Variants in ARHGAP26 observed in about 807,000 individuals in gnomAD.
The protein encoded by ARHGAP26 is Rho GTPase activating protein 26, also known as rho GTPase-activating protein 26.
In ARHGAP26, 38 loss-of-function variants were observed where a neutral mutation model predicts 104.8. The ratio of observed to expected loss-of-function variants is 0.36; its 90% CI spans 0.28 to 0.48. ARHGAP26 has a LOEUF of 0.48. Among genes scored for constraint, ARHGAP26 ranks in the 20% least tolerant of loss-of-function variants. The pLI, the probability that ARHGAP26 is intolerant of heterozygous loss-of-function variation, is 0.99. For synonymous variants in ARHGAP26, 341 were observed against 340.0 expected, an observed-to-expected ratio of 1.00 and a Z score of -0.03; for missense variants, 704 against 947.9, an observed-to-expected ratio of 0.74 and a Z score of 3.38.
At chr5:143,132,503 T>A (rs780814765) in intron 18 of ARHGAP26, among the ~76,000 whole-genome samples, 11 of 151,222 alleles carry the variant, frequency 7.3e-5, no homozygotes, top group Non-Finnish European at 1.3e-4. Flanking sequence ...ATAGTGGGGG[T>A]GTTATGCAGC....
At position 143,012,545 on chromosome 5, in the gene ARHGAP26, A is replaced by T. The variant is rs1318175404; in HGVS notation, c.1108-1535A>T. 8.8e-4 allele frequency among the ~76,000 whole-genome samples: 50 copies of T among 56,696 alleles called. 5 individuals are homozygous for T. The highest frequency in any genetic ancestry group is 1.9e-3 in the Non-Finnish European group (44 of 23,070). 37.2% of individuals were successfully genotyped at this position (56,696 alleles called of 152,430 possible). On this transcript the variant is annotated intron_variant, in intron 11 of 22. Coordinates refer to ENST00000645722, the MANE Select transcript of ARHGAP26 (RefSeq NM_001135608.3). ...TCACTGGAGGGATATATTTATATAC[A>T]TACATACATATATATATATATATAT...
intron 11 of ARHGAP26, among the ~76,000 whole-genome samples, chr5:142,941,814 T>A (rs1359377680): frequency 6.6e-6 from 1 of 152,168 alleles, no homozygotes; most frequent in Non-Finnish European, 1.5e-5. Flanking sequence ...TTGATGAAAT[T>A]TTCTAAGAAA....
In ARHGAP26 at chr5:142,949,193, G is replaced by A. The variant is rs1767742802; in HGVS notation, c.1107+17068G>A. On this transcript the variant is annotated intron_variant, in intron 11 of 22. Coordinates refer to ENST00000645722, the MANE Select transcript of ARHGAP26 (RefSeq NM_001135608.3). ...AGAGAGAGAGAGAGAGAGAGAGAGA[G>A]AGAGAGAGAGAGAGAGAGAGAGAGA... Among the ~76,000 whole-genome samples the A allele has an allele frequency of 1.7e-4, 6 of 34,868 alleles. 1 individual carries two copies. The South Asian group carries it at 7.2e-3, about 42-fold the overall frequency. 22.9% of individuals were successfully genotyped at this position (34,868 alleles called of 152,430 possible). A position where few individuals can be genotyped will look rare whatever the true frequency, so the allele number is the denominator to read the frequency against.
chr5:142,875,520 TC>T (rs1250636319), intron 3 of ARHGAP26, among the ~76,000 whole-genome samples: 2 of 151,932 alleles, frequency 1.3e-5, no homozygotes, highest in Admixed American at 6.6e-5. Flanking sequence ...ACTCTGCCCC[TC>T]CCCCCATCTT....
At chr5:142,978,747 CTTTTTTT>C (rs11375975) in intron 11 of ARHGAP26, among the ~76,000 whole-genome samples, 1 of 124,648 alleles carries the variant, frequency 8.0e-6, no homozygotes, top group Admixed American at 8.1e-5. Context: ...AGGAGTTTGC[CTTTTTTT>C]TTTTTTTTTT....
intron 1 of ARHGAP26, among the ~76,000 whole-genome samples, chr5:142,811,018 C>A (rs780626855): frequency 6.6e-6 from 1 of 152,234 alleles, no homozygotes; most frequent in Non-Finnish European, 1.5e-5. Flanking sequence ...CTCCCTCTCC[C>A]ACACTAAAGT....
chr5:143,216,386 C>G (rs1599560731), intron 22 of ARHGAP26: 2 of 449,964 alleles, frequency 4.4e-6, no homozygotes, highest in East Asian at 1.4e-4. Flanking sequence ...CAGTGGCCTC[C>G]CATTGCTCTG....
chr5:142,914,069 C>T (rs1762179027), intron 10 of ARHGAP26, among the ~76,000 whole-genome samples: 2 of 152,240 alleles, frequency 1.3e-5, no homozygotes, highest in South Asian at 2.1e-4. Context: ...GCCATTTAAT[C>T]TCTTCCTTTT....
At chr5:143,093,126 A>T (rs1791708904) in intron 17 of ARHGAP26, among the ~76,000 whole-genome samples, 1 of 149,624 alleles carries the variant, frequency 6.7e-6, no homozygotes, top group African/African-American at 2.5e-5. Flanking sequence ...AAGGTTCTTG[A>T]GTCACTAAGC....
At chr5:143,017,776 A>G (rs1297298073) in intron 12 of ARHGAP26, among the ~76,000 whole-genome samples, 2 of 152,172 alleles carry the variant, frequency 1.3e-5, no homozygotes, top group Non-Finnish European at 2.9e-5. Context: ...GATGTACTCC[A>G]TCTTCTCATG....
intron 19 of ARHGAP26, among the ~76,000 whole-genome samples, chr5:143,138,767 G>T (rs1343467983): frequency 6.6e-6 from 1 of 152,144 alleles, no homozygotes; most frequent in Non-Finnish European, 1.5e-5. Flanking sequence ...TCTTGTGTTG[G>T]ACATTGTGCA....
At chr5:143,216,455 A>C (rs542317314) in intron 22 of ARHGAP26, 1 of 359,508 alleles carries the variant, frequency 2.8e-6, no homozygotes, top group South Asian at 2.1e-5. Context: ...TCACGCCCTC[A>C]CTTGACATAC....
intron 17 of ARHGAP26, among the ~76,000 whole-genome samples, chr5:143,105,435 C>G (rs1472975003): frequency 6.8e-6 from 1 of 147,814 alleles, no homozygotes; most frequent in East Asian, 2.0e-4. Context: ...AAAAATAGGT[C>G]TAACCTAAAG....
intron 17 of ARHGAP26, among the ~76,000 whole-genome samples, chr5:143,101,446 A>G (rs1418093612): frequency 6.6e-6 from 1 of 151,292 alleles, no homozygotes; most frequent in Non-Finnish European, 1.5e-5. Flanking sequence ...TACAGTCCTC[A>G]CTCTTTCCTT....
chr5:142,803,672 G>A (rs901142699), intron 1 of ARHGAP26, among the ~76,000 whole-genome samples: 5 of 152,198 alleles, frequency 3.3e-5, no homozygotes, highest in Non-Finnish European at 5.9e-5. Context: ...CCTGCAGCAC[G>A]TCAGCAGTTC....
intron 12 of ARHGAP26, among the ~76,000 whole-genome samples, chr5:143,026,011 A>G (rs1008488217): frequency 4.6e-5 from 7 of 152,196 alleles, no homozygotes; most frequent in Non-Finnish European, 8.8e-5. Flanking sequence ...TAGGGAAGAA[A>G]AGTCTGACTA....
chr5:143,102,651 T>C (rs896743442), intron 17 of ARHGAP26, among the ~76,000 whole-genome samples: 2 of 152,244 alleles, frequency 1.3e-5, no homozygotes, highest in African/African-American at 4.8e-5. Context: ...GACTCTTTCA[T>C]TGCACAGCTC....
intron 4 of ARHGAP26, among the ~76,000 whole-genome samples, chr5:142,880,738 T>G (rs191242799): frequency 6.6e-6 from 1 of 152,280 alleles, no homozygotes; most frequent in East Asian, 1.9e-4. Flanking sequence ...TGTGTGGATT[T>G]TGCTTAGTTG....
intron 11 of ARHGAP26, among the ~76,000 whole-genome samples, chr5:143,012,562 T>TATATATATACATATATATATAC (rs1778997703): frequency 6.4e-5 from 5 of 78,582 alleles, no homozygotes; most frequent in Non-Finnish European, 1.3e-4. Flanking sequence ...CATATATATA[T>TATATATATACATATATATATAC]ATATATATAT....
Sources: gnomAD v4.1 joint callset for allele counts (sites outside exome capture counted in the v4.1 genomes callset) on GRCh38, gnomAD v4.1.1 for gene constraint, MANE v1.5 for transcripts, NCBI Gene and HGNC (gene_info 2026-07-23, HGNC 2026-07-21) for gene names.